The following ATP10A variants were observed in gnomAD, a reference collection of about 807,000 sequenced individuals.
ATP10A encodes phospholipid-transporting ATPase VA.
In ATP10A, 111 loss-of-function variants were observed where a neutral mutation model predicts 147.8. That is an observed-to-expected ratio of 0.75 (90% confidence interval 0.64 to 0.88). The LOEUF (loss-of-function observed/expected upper bound fraction) is 0.88. ATP10A is among the 40% of genes least tolerant of loss of function. The pLI, the probability that ATP10A is intolerant of heterozygous loss-of-function variation, is 0.00. For synonymous variants in ATP10A, 875 were observed against 841.6 expected, an observed-to-expected ratio of 1.04 and a Z score of -0.69; for missense variants, 1,927 against 1,959.0, an observed-to-expected ratio of 0.98 and a Z score of 0.31.
intron 2 of ATP10A, among the ~76,000 whole-genome samples, chr15:25,774,790 G>A (rs909054595): frequency 1.3e-5 from 2 of 151,954 alleles, no homozygotes; most frequent in African/African-American, 4.8e-5. Flanking sequence ...ATTACCTACA[G>A]AACTGAATTT....
chr15:25,702,668 T>TGAG (rs985051732), intron 12 of ATP10A, among the ~76,000 whole-genome samples: 3 of 152,180 alleles, frequency 2.0e-5, no homozygotes, highest in African/African-American at 7.2e-5. Context: ...ATAAAGAAGT[T>TGAG]GAGAGGCAGG....
At chr15:25,685,213 A>G (rs1054756556) in intron 16 of ATP10A, among the ~76,000 whole-genome samples, 1 of 152,190 alleles carries the variant, frequency 6.6e-6, no homozygotes, top group Non-Finnish European at 1.5e-5. Flanking sequence ...TTATTCCTAA[A>G]ACTAATGAAT....
intron 1 of ATP10A, among the ~76,000 whole-genome samples, chr15:25,834,305 A>T (rs1327705110): frequency 2.6e-5 from 4 of 152,224 alleles, no homozygotes; most frequent in Non-Finnish European, 4.4e-5. Flanking sequence ...ACTGCAACTA[A>T]ATAATAAAAG....
intron 1 of ATP10A, among the ~76,000 whole-genome samples, chr15:25,796,727 G>C (rs915062727): frequency 6.6e-6 from 1 of 152,218 alleles, no homozygotes; most frequent in Non-Finnish European, 1.5e-5. Context: ...GAACCTGCCG[G>C]ATATCCCTCT....
At chr15:25,798,247 C>T (rs537362741) in intron 1 of ATP10A, among the ~76,000 whole-genome samples, 20 of 152,162 alleles carry the variant, frequency 1.3e-4, no homozygotes, top group South Asian at 4.1e-4. Context: ...CTCCTGGAGG[C>T]GAATCAACAC....
At chr15:25,822,726 G>T (rs1163546762) in intron 1 of ATP10A, among the ~76,000 whole-genome samples, 1 of 152,122 alleles carries the variant, frequency 6.6e-6, no homozygotes, top group African/African-American at 2.4e-5. Context: ...ATAATTATTA[G>T]AGAAAATTAC....
Position 25,781,093 on chromosome 15 carries a change from G to C in ATP10A, c.580C>G (p.His194Asp), listed in dbSNP as rs753761080. Residue 194 changes from histidine to aspartate, a missense_variant, in exon 2 of 21, where the codon CAC (histidine) becomes GAC (aspartate). Physicochemically the swap from His to Asp is moderately conservative, Grantham distance 81 (BLOSUM62 -1). Coordinates refer to ENST00000555815, the MANE Select transcript of ATP10A (RefSeq NM_024490.4). ...CCATCCAGGTTGGCGGTCTCGATGT[G>C]GCATAGCCCGTCGGGGTCACTGGAG... ...LSSSDPDGLC[H>D]IETANLDGET... The C allele has an allele frequency of 1.5e-5, 24 of 1,614,102 alleles. No homozygotes were observed. In the African/African-American group the frequency reaches 2.5e-4, roughly 17 times the overall value.
At chr15:25,834,065 T>G (rs1202450495) in intron 1 of ATP10A, among the ~76,000 whole-genome samples, 1 of 151,990 alleles carries the variant, frequency 6.6e-6, no homozygotes, top group African/African-American at 2.4e-5. Context: ...TATATGCTAT[T>G]AACTACTAAC....
intron 13 of ATP10A, among the ~76,000 whole-genome samples, chr15:25,701,271 C>T (rs1300511635): frequency 6.6e-6 from 1 of 152,154 alleles, no homozygotes; most frequent in African/African-American, 2.4e-5. Flanking sequence ...GACAAAGTCC[C>T]AAGGTCCTGA....
intron 1 of ATP10A, among the ~76,000 whole-genome samples, chr15:25,790,762 T>C (rs543567040): frequency 2.0e-5 from 3 of 152,356 alleles, no homozygotes; most frequent in African/African-American, 7.2e-5. Context: ...TTTCTGCATA[T>C]AATGGTACAT....
intron 1 of ATP10A, among the ~76,000 whole-genome samples, chr15:25,830,908 C>T (rs1481551826): frequency 2.0e-5 from 3 of 152,202 alleles, no homozygotes; most frequent in Admixed American, 6.5e-5. Context: ...GAAAATGATT[C>T]ACTGAACTAT....
chr15:25,726,287 A>G (rs191582051), intron 4 of ATP10A, among the ~76,000 whole-genome samples: 1 of 152,338 alleles, frequency 6.6e-6, no homozygotes, highest in Admixed American at 6.5e-5. Flanking sequence ...AATCTTATAC[A>G]TATATAATGA....
At chr15:25,839,673 T>C (rs148925403) in intron 1 of ATP10A, among the ~76,000 whole-genome samples, 93 of 152,284 alleles carry the variant, frequency 6.1e-4, no homozygotes, top group African/African-American at 2.2e-3. Flanking sequence ...CAAATTTCCA[T>C]GTCTTCTTCT....
At chr15:25,729,376 CTG>C (rs1487804945) in intron 3 of ATP10A, among the ~76,000 whole-genome samples, 1 of 152,178 alleles carries the variant, frequency 6.6e-6, no homozygotes, top group Non-Finnish European at 1.5e-5. Flanking sequence ...ATCTCCCTGG[CTG>C]TGTCTTTAAT....
intron 2 of ATP10A, among the ~76,000 whole-genome samples, chr15:25,750,657 A>C (rs1888103071): frequency 6.6e-6 from 1 of 152,102 alleles, no homozygotes; most frequent in Non-Finnish European, 1.5e-5. Flanking sequence ...TCTGTAATAT[A>C]TAAGCAAAAT....
chr15:25,834,540 C>G (rs947631968), intron 1 of ATP10A, among the ~76,000 whole-genome samples: 2 of 152,220 alleles, frequency 1.3e-5, no homozygotes, highest in African/African-American at 4.8e-5. Flanking sequence ...CCTCGGAGAA[C>G]TGCTGGTGGG....
chr15:25,718,480 T>G, intron 7 of ATP10A, 81 bp from the exon 8 acceptor site: 1 of 1,429,682 alleles, frequency 7.0e-7, no homozygotes, highest in Non-Finnish European at 9.5e-7. Flanking sequence ...GTGTTTTAGG[T>G]TCCGCGAGGC....
intron 3 of ATP10A, 152 bp from the exon 4 acceptor site, chr15:25,727,418 TG>T (rs1902648127): frequency 3.1e-6 from 2 of 643,042 alleles, no homozygotes; most frequent in Middle Eastern, 4.2e-4. Context: ...CCCCCGAGAG[TG>T]GGTGGCTCGC....
chr15:25,691,943 C>T, intron 14 of ATP10A, 152 bp from the exon 15 acceptor site: 6 of 845,310 alleles, frequency 7.1e-6, no homozygotes, highest in Non-Finnish European at 7.8e-6. Context: ...AGCATCCACC[C>T]TGGGAGAATA....
Sources: allele counts gnomAD v4.1 joint callset (sites outside exome capture counted in the v4.1 genomes callset), GRCh38; gene constraint gnomAD v4.1.1; transcripts MANE v1.5; gene names NCBI Gene and HGNC (gene_info 2026-07-23, HGNC 2026-07-21).